Variants in CTTNBP2 observed in about 807,000 individuals in gnomAD.
CTTNBP2 encodes the protein cortactin binding protein 2.
In CTTNBP2, 108 loss-of-function variants were observed where a neutral mutation model predicts 156.9. The ratio of observed to expected loss-of-function variants is 0.69; its 90% CI spans 0.59 to 0.81. The LOEUF is 0.81. Among genes scored for constraint, CTTNBP2 ranks in the 30% least tolerant of loss-of-function variants. The pLI is 0.00. For synonymous variants in CTTNBP2, 767 were observed against 751.8 expected, an observed-to-expected ratio of 1.02 and a Z score of -0.33; for missense variants, 1,924 against 2,035.4, an observed-to-expected ratio of 0.95 and a Z score of 1.05.
chr7:117,791,782 T>C lies in CTTNBP2; in HGVS notation c.1414A>G (p.Arg472Gly). 3 of 1,614,236 alleles carry C rather than the reference T, an allele frequency of 1.9e-6. No individual in the cohort carries two copies. The highest frequency in any genetic ancestry group is 2.5e-6 in the Non-Finnish European group (3 of 1,180,044). Residue 472 changes from arginine (R) to glycine (G), a missense_variant, in exon 4 of 23, where the codon AGA becomes GGA. By Grantham distance (125) the Arg-to-Gly change is moderately radical. Coordinates refer to ENST00000160373, the MANE Select transcript of CTTNBP2 (RefSeq NM_033427.3). ...NGNTTQSPPSRDVSPTSRDNL... is the reference protein window; with the variant it reads ...NGNTTQSPPSGDVSPTSRDNL... ...TCACGACTTGTAGGCGAGACATCTC[T>C]TGACGGAGGACTTTGGGTAGTATTT...
At chr7:117,763,524 A>G (rs953309549) in intron 9 of CTTNBP2, among the ~76,000 whole-genome samples, 23 of 148,364 alleles carry the variant, frequency 1.6e-4, no homozygotes, top group Non-Finnish European at 3.3e-4. Flanking sequence ...CTTGAATCCA[A>G]TTACACCATT....
chr7:117,735,285 G>A lies in CTTNBP2; in HGVS notation c.3672C>T (p.Pro1224=), dbSNP rs1795625690. Reference sequence around the variant, plus strand: ...TAGCGTTACCTTTTTGGAAAGTGCAGGGGCTTTCAGTGCTGCGATTTTCAA... The same window carrying A: ...TAGCGTTACCTTTTTGGAAAGTGCAAGGGCTTTCAGTGCTGCGATTTTCAA... ...APLENRSTES[P]CTFQKGNGLS... The change falls in exon 15 of 23, where the codon CCC becomes CCT. Residue 1224 remains proline (P), a synonymous_variant. Transcript: ENST00000160373. 6.2e-7 allele frequency: 1 copy of A among 1,613,872 alleles called. No individual in the cohort carries two copies.
At chr7:117,798,545 G>A (rs1384184863) in intron 3 of CTTNBP2, among the ~76,000 whole-genome samples, 1 of 152,034 alleles carries the variant, frequency 6.6e-6, no homozygotes, top group Non-Finnish European at 1.5e-5. Flanking sequence ...ATGAATACAA[G>A]AACACAGCAT....
At chr7:117,795,919 ACT>A (rs1301674312) in intron 3 of CTTNBP2, among the ~76,000 whole-genome samples, 7 of 151,896 alleles carry the variant, frequency 4.6e-5, no homozygotes, top group African/African-American at 1.5e-4. Flanking sequence ...ATCATCAATC[ACT>A]CTACCTAACT....
intron 8 of CTTNBP2, among the ~76,000 whole-genome samples, chr7:117,771,009 C>A (rs915910639): frequency 6.6e-5 from 10 of 152,204 alleles, no homozygotes; most frequent in African/African-American, 2.4e-4. Flanking sequence ...CTTTCACATG[C>A]ACTCACATTC....
At chr7:117,860,338 CTTTTCTT>C (rs1181221513) in intron 2 of CTTNBP2, among the ~76,000 whole-genome samples, 2 of 151,708 alleles carry the variant, frequency 1.3e-5, no homozygotes, top group Admixed American at 6.6e-5. Context: ...ATTGTTTTTT[CTTTTCTT>C]TTTTCTTTTT....
Position 117,783,213 on chromosome 7 carries a change from G to A in CTTNBP2, c.2273-252C>T, listed in dbSNP as rs1211420162. On this transcript the variant is annotated intron_variant, in intron 5 of 22. Transcript: ENST00000160373. ...TGTGTGCATGCGCATGTGCCCATGC[G>A]TGTGTGCATTTTGGGAAGAGTTGCT... 7.2e-5 allele frequency among the ~76,000 whole-genome samples: 11 copies of A among 152,090 alleles called. No individual in the cohort carries two copies. In the South Asian group the frequency reaches 1.2e-3, roughly 17 times the overall value.
chr7:117,733,525 T>C (rs1346045471), intron 16 of CTTNBP2, among the ~76,000 whole-genome samples: 1 of 152,246 alleles, frequency 6.6e-6, no homozygotes, highest in Admixed American at 6.5e-5. Flanking sequence ...TGATAGTTAA[T>C]GCAAGTATCG....
intron 2 of CTTNBP2, among the ~76,000 whole-genome samples, chr7:117,818,416 G>A (rs550904940): frequency 7.9e-5 from 12 of 152,272 alleles, no homozygotes; most frequent in East Asian, 3.9e-4. Context: ...AAGCCACAGC[G>A]GATGGCAAAA....
At position 117,735,288 on chromosome 7, in the gene CTTNBP2, G is replaced by A; in HGVS notation, c.3669C>T (p.Ser1223=). The change falls in exon 15 of 23, where the codon AGC becomes AGT. Residue 1223 remains serine (S), a synonymous_variant. Transcript: ENST00000160373. The stretch of plus-strand genomic sequence containing the variant: ...CGTTACCTTTTTGGAAAGTGCAGGG[G>A]CTTTCAGTGCTGCGATTTTCAAGAG... ...LAPLENRSTE[S]PCTFQKGNGL... is the part of the protein sequence containing the mutation. The A allele has an allele frequency of 6.2e-7, 1 of 1,614,026 alleles. No homozygotes were observed. The highest frequency in any genetic ancestry group is 8.5e-7 in the Non-Finnish European group (1 of 1,180,000).
intron 2 of CTTNBP2, among the ~76,000 whole-genome samples, chr7:117,815,653 C>T (rs1333118444): frequency 6.6e-6 from 1 of 152,168 alleles, no homozygotes; most frequent in Non-Finnish European, 1.5e-5. Flanking sequence ...AGGTAGCCAA[C>T]ATCAGTGTGT....
intron 2 of CTTNBP2, among the ~76,000 whole-genome samples, chr7:117,825,848 T>C (rs538029855): frequency 2.6e-5 from 4 of 152,218 alleles, no homozygotes; most frequent in Non-Finnish European, 5.9e-5. Flanking sequence ...ATGATAATGA[T>C]GATGCTCTTT....
At position 117,719,900 on chromosome 7, in the gene CTTNBP2, G is replaced by A. The variant is rs139655437; in HGVS notation, c.4512-264C>T. Among the ~76,000 whole-genome samples, 295 of 152,208 alleles carry A rather than the reference G, an allele frequency of 1.9e-3. 1 individual carries two copies. The highest frequency in any genetic ancestry group is 6.8e-3 in the African/African-American group (282 of 41,514). On this transcript the variant is annotated intron_variant, in intron 20 of 22. Coordinates refer to ENST00000160373, the MANE Select transcript of CTTNBP2 (RefSeq NM_033427.3). ...ATATTCCAAGCTCCTTATTCTTGCCGTTTCTTGTCTCCCAGGCCAGATAGG... is the reference window on the plus strand; with the variant it reads ...ATATTCCAAGCTCCTTATTCTTGCCATTTCTTGTCTCCCAGGCCAGATAGG...
intron 12 of CTTNBP2, among the ~76,000 whole-genome samples, chr7:117,754,691 T>A (rs1008500211): frequency 2.0e-5 from 3 of 152,240 alleles, no homozygotes; most frequent in African/African-American, 7.2e-5. Flanking sequence ...TTTATTATAT[T>A]CATTCAAGAG....
rs1056591864 is a variant in CTTNBP2, at chr7:117,767,179, A to G, written c.2779-3T>C. 1.3e-6 allele frequency: 2 copies of G among 1,546,148 alleles called. No homozygotes were observed. Among genetic ancestry groups the G allele is most frequent in the Non-Finnish European group, 1.8e-6 (2 of 1,117,862 alleles). On this transcript the variant is annotated splice_polypyrimidine_tract_variant and splice_region_variant and intron_variant, in intron 8 of 22. Coordinates refer to ENST00000160373, the MANE Select transcript of CTTNBP2 (RefSeq NM_033427.3). ...CTACACAAGATTTCTAGGCAGTTCT[A>G]TAAAGACAAGAGCTCTATTACCTCC...
intron 9 of CTTNBP2, among the ~76,000 whole-genome samples, chr7:117,762,035 G>T (rs988526547): frequency 1.3e-5 from 2 of 152,024 alleles, no homozygotes; most frequent in African/African-American, 2.4e-5. Flanking sequence ...ACTCCTCCTG[G>T]ATCTCCTGTA....
rs201464133 is a variant in CTTNBP2, at chr7:117,861,259, C to T, written c.139G>A (p.Val47Met). The T allele has an allele frequency of 1.4e-4, 219 of 1,613,714 alleles. No individual in the cohort carries two copies. Among genetic ancestry groups the T allele is most frequent in the Middle Eastern group, 4.9e-4 (3 of 6,082 alleles). The change falls in exon 2 of 23, where the codon GTG becomes ATG. Residue 47 changes from valine to methionine, a missense_variant. Physicochemically the swap from Val to Met is conservative, Grantham distance 21. Coordinates refer to ENST00000160373, the MANE Select transcript of CTTNBP2 (RefSeq NM_033427.3). ...SKSELRMLLS[V>M]MEGELEARDL... The stretch of plus-strand genomic sequence containing the variant: ...CTGGCCTCCAGCTCCCCTTCCATCA[C>T]GCTGAGGAGCATCCGCAGCTCGGAT...
intron 2 of CTTNBP2, among the ~76,000 whole-genome samples, chr7:117,820,349 C>T (rs1800885925): frequency 6.6e-6 from 1 of 152,168 alleles, no homozygotes; most frequent in Admixed American, 6.5e-5. Context: ...TGAAATATTA[C>T]CATTAGTTAG....
Position 117,777,495 on chromosome 7 carries a change from C to CTGCT in CTTNBP2, c.2778+12_2778+15dup. On this transcript the variant is annotated intron_variant, in intron 8 of 22. Coordinates refer to ENST00000160373, the MANE Select transcript of CTTNBP2 (RefSeq NM_033427.3). ...AATTACAGCTGCATGATGAGGCCAG[C>CTGCT]TGCTACCAGACACACCTTAAAACCT... 6.2e-7 allele frequency: 1 copy of CTGCT among 1,607,448 alleles called. No individual in the cohort carries two copies.
Sources: gnomAD v4.1 joint callset for allele counts (sites outside exome capture counted in the v4.1 genomes callset) on GRCh38, gnomAD v4.1.1 for gene constraint, MANE v1.5 for transcripts, NCBI Gene and HGNC (gene_info 2026-07-23, HGNC 2026-07-21) for gene names.